Variants in CNTNAP2 observed in about 807,000 individuals in gnomAD.
CNTNAP2 encodes the protein contactin associated protein 2, also known as contactin-associated protein-like 2.
CNTNAP2 carries 98 observed loss-of-function variants against 155.2 expected under a neutral mutation model. That is an observed-to-expected ratio of 0.63 (90% confidence interval 0.54 to 0.75). The LOEUF (loss-of-function observed/expected upper bound fraction) is 0.75, where lower values mean the gene tolerates loss of function less well. Ranked by LOEUF, CNTNAP2 falls within the 30% of genes least tolerant of loss-of-function variation. The pLI is 0.00. For synonymous variants in CNTNAP2, 651 were observed against 631.2 expected (o/e 1.03, Z -0.47); for missense variants, 1,727 against 1,688.1 (o/e 1.02, Z -0.40).
intron 9 of CNTNAP2, among the ~76,000 whole-genome samples, chr7:147,305,752 C>T (rs561150763): frequency 1.3e-5 from 2 of 152,180 alleles, no homozygotes; most frequent in South Asian, 2.1e-4. Context: ...TATCAAAGTA[C>T]CACAAACACG....
At position 146,386,664 on chromosome 7, in the gene CNTNAP2, G is replaced by A. The variant is rs185019733; in HGVS notation, c.97+269691G>A. On this transcript the variant is annotated intron_variant, in intron 1 of 23. Transcript: ENST00000361727. ...GCCTCCCAAAGTGTTGGGATTACAG[G>A]CGTGAGCCACCGTGCCTGGTCCACA... 3.4e-3 allele frequency among the ~76,000 whole-genome samples: 518 copies of A among 152,304 alleles called. 3 individuals carry two copies. The highest frequency in any genetic ancestry group is 0.014 in the Middle Eastern group (4 of 294).
intron 3 of CNTNAP2, among the ~76,000 whole-genome samples, chr7:147,002,645 C>T (rs748887324): frequency 3.9e-5 from 6 of 151,940 alleles, no homozygotes; most frequent in Admixed American, 6.6e-5. Context: ...TTATTTCTCA[C>T]AGTTCTGGGG....
chr7:147,591,821 A>G (rs1439124441), intron 12 of CNTNAP2, among the ~76,000 whole-genome samples: 2 of 152,088 alleles, frequency 1.3e-5, no homozygotes, highest in African/African-American at 4.8e-5. Flanking sequence ...TCCTCTCACC[A>G]GGTAAACTCT....
At chr7:147,042,831 G>A (rs951046281) in intron 3 of CNTNAP2, among the ~76,000 whole-genome samples, 4 of 151,862 alleles carry the variant, frequency 2.6e-5, no homozygotes, top group African/African-American at 9.7e-5. Flanking sequence ...AAAACCTCAA[G>A]TTATCTATTA....
chr7:148,231,390 A>G (rs1427094439), intron 20 of CNTNAP2, among the ~76,000 whole-genome samples: 3 of 152,226 alleles, frequency 2.0e-5, no homozygotes, highest in Non-Finnish European at 4.4e-5. Context: ...TAGAAAAGCA[A>G]TTCAGAAGTA....
intron 8 of CNTNAP2, among the ~76,000 whole-genome samples, chr7:147,247,623 G>T (rs1208093779): frequency 5.3e-5 from 8 of 152,152 alleles, no homozygotes; most frequent in Non-Finnish European, 8.8e-5. Flanking sequence ...GATAAAGATT[G>T]ACTGATTACC....
intron 10 of CNTNAP2, among the ~76,000 whole-genome samples, chr7:147,438,720 G>A (rs1028693111): frequency 1.3e-5 from 2 of 151,700 alleles, no homozygotes; most frequent in African/African-American, 2.4e-5. Context: ...ATCAAGTCCC[G>A]GGCTTTTTTT....
At position 147,261,662 on chromosome 7, in the gene CNTNAP2, C is replaced by T. The variant is rs113364034; in HGVS notation, c.1349-38479C>T. On this transcript the variant is annotated intron_variant, in intron 8 of 23. Coordinates refer to ENST00000361727, the MANE Select transcript of CNTNAP2 (RefSeq NM_014141.6). ...ACAAATATTATTTGAATGGCGTTGTCAGGTTACTTTCACTGGGGAAAAAAA... is the reference window on the plus strand; with the variant it reads ...ACAAATATTATTTGAATGGCGTTGTTAGGTTACTTTCACTGGGGAAAAAAA... Among the ~76,000 whole-genome samples the T allele has an allele frequency of 1.9e-3, 290 of 151,932 alleles. 6 individuals carry two copies. The highest frequency in any genetic ancestry group is 6.7e-3 in the African/African-American group (276 of 41,442).
intron 10 of CNTNAP2, among the ~76,000 whole-genome samples, chr7:147,480,556 A>G (rs2116626737): frequency 6.6e-6 from 1 of 152,362 alleles, no homozygotes; most frequent in African/African-American, 2.4e-5. Flanking sequence ...TCAGGTGCAG[A>G]AATGATTTAA....
At chr7:148,230,789 A>T (rs377652507) in intron 20 of CNTNAP2, among the ~76,000 whole-genome samples, 4 of 152,170 alleles carry the variant, frequency 2.6e-5, no homozygotes, top group African/African-American at 7.2e-5. Context: ...TTACTGCGCC[A>T]TCAATCAAAG....
At position 147,130,495 on chromosome 7, in the gene CNTNAP2, G is replaced by A. The variant is rs114560156; in HGVS notation, c.1083+1659G>A. ...AAAAAAGATTATGGATTCACAATAT[G>A]TGAGTTTGATTATGCTCTATAATTA... On this transcript the variant is annotated intron_variant, in intron 7 of 23. Coordinates refer to ENST00000361727, the MANE Select transcript of CNTNAP2 (RefSeq NM_014141.6). Among the ~76,000 whole-genome samples, 1,010 of 152,154 alleles carry A rather than the reference G, an allele frequency of 6.6e-3. 9 individuals carry two copies. Among genetic ancestry groups the A allele is most frequent in the African/African-American group, 0.023 (943 of 41,522 alleles).
chr7:146,394,961 G>A (rs1795598831), intron 1 of CNTNAP2, among the ~76,000 whole-genome samples: 2 of 152,006 alleles, frequency 1.3e-5, no homozygotes, highest in African/African-American at 4.8e-5. Flanking sequence ...ACATTATTTT[G>A]CTACCACTCA....
At chr7:146,842,637 A>G (rs1433520962) in intron 3 of CNTNAP2, among the ~76,000 whole-genome samples, 1 of 152,092 alleles carries the variant, frequency 6.6e-6, no homozygotes, top group African/African-American at 2.4e-5. Flanking sequence ...GGAGGCAGGC[A>G]TGTCTTACAT....
chr7:147,448,403 A>G (rs951062233), intron 10 of CNTNAP2, among the ~76,000 whole-genome samples: 1 of 151,786 alleles, frequency 6.6e-6, no homozygotes, highest in African/African-American at 2.4e-5. Context: ...GAATTCTGAG[A>G]CATTCTTCTT....
chr7:147,554,238 A>C (rs1163116410), intron 11 of CNTNAP2, among the ~76,000 whole-genome samples: 1 of 152,212 alleles, frequency 6.6e-6, no homozygotes, highest in African/African-American at 2.4e-5. Flanking sequence ...TAATACAGGA[A>C]AATTTGATAT....
At chr7:147,018,702 G>C (rs1798768570) in intron 3 of CNTNAP2, among the ~76,000 whole-genome samples, 1 of 152,116 alleles carries the variant, frequency 6.6e-6, no homozygotes, top group East Asian at 1.9e-4. Context: ...AAAACTGGCT[G>C]CATGAGCCAG....
At chr7:147,442,090 G>A (rs925751616) in intron 10 of CNTNAP2, among the ~76,000 whole-genome samples, 1 of 152,088 alleles carries the variant, frequency 6.6e-6, no homozygotes, top group African/African-American at 2.4e-5. Context: ...CTTCACTTCA[G>A]GGTTGCAAGT....
chr7:147,230,353 G>A (rs1054362697), intron 8 of CNTNAP2, among the ~76,000 whole-genome samples: 6 of 152,246 alleles, frequency 3.9e-5, no homozygotes, highest in African/African-American at 1.2e-4. Context: ...CGCCTCCTGG[G>A]TTCAAGCAAT....
chr7:148,233,677 G>A (rs183775115), intron 20 of CNTNAP2, among the ~76,000 whole-genome samples: 20 of 152,278 alleles, frequency 1.3e-4, no homozygotes, highest in East Asian at 9.6e-4. Context: ...CCAAGGCAAC[G>A]TGCTAAGCAC....
Sources: gnomAD v4.1 joint callset for allele counts (sites outside exome capture counted in the v4.1 genomes callset) on GRCh38, gnomAD v4.1.1 for gene constraint, MANE v1.5 for transcripts, NCBI Gene and HGNC (gene_info 2026-07-23, HGNC 2026-07-21) for gene names.